CCDC14: variants seen among roughly 807,000 people sequenced by gnomAD.
CCDC14 encodes the protein coiled-coil domain-containing protein 14.
Under a neutral mutation model 81.4 loss-of-function variants are expected in CCDC14, and 71 were observed. The ratio of observed to expected loss-of-function variants is 0.87; its 90% confidence interval spans 0.72 to 1.06. The LOEUF is 1.06. CCDC14 is among the 50% of genes least tolerant of loss of function. The pLI is 0.00. For missense variants in CCDC14, 1,046 were observed against 1,047.3 expected, an observed-to-expected ratio of 1.00 and a Z score of 0.02; for synonymous variants, 332 against 364.8, an observed-to-expected ratio of 0.91 and a Z score of 1.03.
At chr3:123,925,356 A>G (rs538898449) in intron 12 of CCDC14, among the ~76,000 whole-genome samples, 2 of 152,246 alleles carry the variant, frequency 1.3e-5, no homozygotes, top group South Asian at 4.2e-4. Flanking sequence ...GGTATGGGAA[A>G]TGGGGAGATG....
chr3:123,930,379 G>C (rs929216815), intron 12 of CCDC14, among the ~76,000 whole-genome samples: 2 of 152,134 alleles, frequency 1.3e-5, no homozygotes, highest in Non-Finnish European at 2.9e-5. Flanking sequence ...AGGATCATTC[G>C]AAGACAAAGT....
In CCDC14 at chr3:123,948,770, G is replaced by C. The variant is rs1189863616; in HGVS notation, c.605C>G (p.Pro202Arg). Residue 202 changes from proline (P) to arginine (R), a missense_variant, in exon 7 of 13, where the codon CCT becomes CGT. By Grantham distance (103) the Pro-to-Arg change is moderately radical (BLOSUM62 -2). Transcript: ENST00000409697. ...APSHSESQAT[P>R]HSSYGLCTST... ...GGTACATAAGCCATAACTAGAATGAGGAGTTGCCTGAGATTCTGTAAGTAA... is the reference window on the plus strand; with the variant it reads ...GGTACATAAGCCATAACTAGAATGACGAGTTGCCTGAGATTCTGTAAGTAA... The C allele has an allele frequency of 1.3e-6, 2 of 1,596,930 alleles. No individual in the cohort carries two copies. The highest frequency in any genetic ancestry group is 1.7e-6 in the Non-Finnish European group (2 of 1,175,400).
intron 8 of CCDC14, 144 bp downstream of exon 8, chr3:123,946,659 A>G: frequency 2.5e-6 from 2 of 797,448 alleles, no homozygotes; most frequent in African/African-American, 1.7e-5. Context: ...AAAAAATAAT[A>G]CAATAAGTAG....
downstream of CCDC14, among the ~76,000 whole-genome samples, chr3:123,896,913 T>G (rs1371051815): frequency 2.0e-5 from 3 of 152,202 alleles, no homozygotes; most frequent in Non-Finnish European, 4.4e-5. Flanking sequence ...AGAAAAGTCA[T>G]GTGGGCAGGG....
downstream of CCDC14, among the ~76,000 whole-genome samples, chr3:123,911,443 A>C (rs143053683): frequency 6.6e-5 from 10 of 152,328 alleles, no homozygotes; most frequent in East Asian, 1.9e-3. Context: ...GGGAGTGTTA[A>C]CTTACAAATC....
chr3:123,910,198 A>T (rs902530631), downstream of CCDC14, among the ~76,000 whole-genome samples: 2 of 152,168 alleles, frequency 1.3e-5, no homozygotes, highest in Admixed American at 6.6e-5. Flanking sequence ...AACACCAAGA[A>T]TGACAATGTG....
At chr3:123,912,060 T>C (rs1283177409), downstream of CCDC14, among the ~76,000 whole-genome samples, 2 of 152,176 alleles carry the variant, frequency 1.3e-5, no homozygotes, top group Non-Finnish European at 2.9e-5. Flanking sequence ...CCTTTTATCT[T>C]CAATGGTGTT....
intron 9 of CCDC14, 81 bp from the exon 10 acceptor site, chr3:123,933,836 A>G: frequency 1.1e-6 from 1 of 923,482 alleles, no homozygotes; most frequent in Non-Finnish European, 1.7e-6. Flanking sequence ...ATCAAAAAAG[A>G]TAAAACATAA....
chr3:123,891,913 G>A, the CCDC14 span, among the ~76,000 whole-genome samples: 3 of 152,308 alleles, frequency 2.0e-5, no homozygotes, highest in South Asian at 6.2e-4. Context: ...AGGTTTAATG[G>A]ACTTACAGTT....
chr3:123,892,054 G>A, the CCDC14 span, among the ~76,000 whole-genome samples: 118 of 152,138 alleles, frequency 7.8e-4, no homozygotes, highest in Non-Finnish European at 1.0e-3. Context: ...ATCAGGTCTC[G>A]TGAGACCCAC....
intron 12 of CCDC14, among the ~76,000 whole-genome samples, chr3:123,928,530 A>T (rs914968056): frequency 5.9e-5 from 9 of 151,936 alleles, no homozygotes; most frequent in African/African-American, 1.2e-4. Context: ...AATAAATAAA[A>T]AAGATGTATC....
chr3:123,926,424 G>A (rs1479936933), intron 12 of CCDC14, among the ~76,000 whole-genome samples: 1 of 151,432 alleles, frequency 6.6e-6, no homozygotes, highest in Non-Finnish European at 1.5e-5. Flanking sequence ...AACAAATGCA[G>A]GGTTCTTTCT....
At chr3:123,933,237 G>A (rs1013818068) in intron 10 of CCDC14, among the ~76,000 whole-genome samples, 2 of 152,206 alleles carry the variant, frequency 1.3e-5, no homozygotes, top group African/African-American at 2.4e-5. Flanking sequence ...TATTATGGTA[G>A]ACCTGGATAA....
chr3:123,957,487 G>A (rs1230498055), intron 1 of CCDC14: 2 of 152,020 alleles, frequency 1.3e-5, no homozygotes, highest in African/African-American at 4.8e-5. Context: ...CAGGAAGTGA[G>A]AACTCTACCC....
chr3:123,955,240 T>G (rs1033740535), intron 5 of CCDC14: 5 of 152,130 alleles, frequency 3.3e-5, no homozygotes, highest in African/African-American at 9.7e-5. Flanking sequence ...CTTTTTCATC[T>G]TCATTTTGGG....
Position 123,915,108 on chromosome 3 carries a change from GT to G in CCDC14, c.2388del (p.Lys796AsnfsTer8), listed in dbSNP as rs751659778. 9.9e-6 allele frequency: 16 copies of G among 1,613,832 alleles called. No homozygotes were observed. The highest frequency in any genetic ancestry group is 1.3e-5 in the African/African-American group (1 of 74,930). The part of the protein sequence containing the change: ...STKEAEDAPE[K>X]LSRASDMKDT... ...TCCTTCATATCAGATGCTCTGGAAAGTTTTTCAGGTGCATCTTCTGCTTCCT... is the reference window on the plus strand; with the variant it reads ...TCCTTCATATCAGATGCTCTGGAAAGTTTTCAGGTGCATCTTCTGCTTCCT... On this transcript the variant is annotated frameshift_variant, in exon 13 of 13. Transcript: ENST00000409697. LOFTEE classifies it low-confidence loss of function (END_TRUNC).
rs777800720 is a variant in CCDC14, at chr3:123,956,030, A to AT, written c.229+15dup. 792 of 1,534,150 alleles carry AT rather than the reference A, an allele frequency of 5.2e-4. No individual in the cohort carries two copies. Among genetic ancestry groups the AT allele is most frequent in the Non-Finnish European group, 6.5e-4 (746 of 1,139,952 alleles). ...CTTGAGATAAGGTGATCAGCAAAGA[A>AT]TTAAAAAAAAAAAACCTGAATCTTC... On this transcript the variant is annotated intron_variant, in intron 4 of 12. Coordinates refer to ENST00000409697, the MANE Select transcript of CCDC14 (RefSeq NM_001366335.1).
chr3:123,904,822 T>C (rs752836210), intron 5 of CCDC14, among the ~76,000 whole-genome samples: 1 of 152,120 alleles, frequency 6.6e-6, no homozygotes, highest in Non-Finnish European at 1.5e-5. Context: ...TCTAATAAAA[T>C]CTCAAGAGAA....
intron 9 of CCDC14, among the ~76,000 whole-genome samples, chr3:123,937,884 CTCAT>C (rs1172867023): frequency 2.0e-5 from 3 of 151,786 alleles, no homozygotes; most frequent in Non-Finnish European, 4.4e-5. Context: ...ACATGACTCT[CTCAT>C]TGTTTCAGCA....
Sources: allele counts gnomAD v4.1 joint callset (sites outside exome capture counted in the v4.1 genomes callset), GRCh38; gene constraint gnomAD v4.1.1; transcripts MANE v1.5; gene names NCBI Gene and HGNC (gene_info 2026-07-23, HGNC 2026-07-21).